Variants in RADIL observed in about 807,000 individuals in gnomAD.
RADIL encodes the protein Rap associating with DIL domain, also known as ras-associating and dilute domain-containing protein.
Under a neutral mutation model 97.6 loss-of-function variants are expected in RADIL, and 99 were observed. The observed-to-expected ratio is 1.01, with a 90% CI of 0.86 to 1.20. The LOEUF is 1.20. Ranked by LOEUF, RADIL falls within the 50% of genes most tolerant of loss-of-function variation. The probability of loss-of-function intolerance (pLI) is 0.00; values close to 1 mark genes in which losing one functional copy is unlikely to be tolerated. For synonymous variants in RADIL, 803 were observed against 691.8 expected, an observed-to-expected ratio of 1.16 and a Z score of -2.52; for missense variants, 1,765 against 1,498.9, an observed-to-expected ratio of 1.18 and a Z score of -2.93.
rs1459776054 is a variant in RADIL at position 4,822,844 on chromosome 7, G to A, written c.1455-290C>T. Among the ~76,000 whole-genome samples, 1 of 152,100 alleles carries A rather than the reference G, an allele frequency of 6.6e-6. No homozygotes were observed. Among genetic ancestry groups the A allele is most frequent in the African/African-American group, 2.4e-5 (1 of 41,416 alleles). ...AGATGGCTTGCATGTCTTCTCTTTTGGAATGAGATCATAAAGTGGCTGTGA... is the reference window on the plus strand; with the variant it reads ...AGATGGCTTGCATGTCTTCTCTTTTAGAATGAGATCATAAAGTGGCTGTGA... On this transcript the variant is annotated intron_variant, in intron 5 of 14. Transcript: ENST00000399583. The surrounding 1 kb of genome is among the most constrained non-coding windows in gnomAD (Gnocchi z 5.3).
chr7:4,861,834 G>GCACGTCCCCCACCACCGCGACCGT, intron 2 of RADIL: 2 of 1,268,420 alleles, frequency 1.6e-6, no homozygotes, highest in South Asian at 2.1e-5. Flanking sequence ...CCCCGCCAGG[G>GCACGTCCCCCACCACCGCGACCGT]CACGTCCCCC....
chr7:4,816,373 C>G lies in RADIL; in HGVS notation c.1821G>C (p.Glu607Asp), dbSNP rs751372863. The change falls in exon 8 of 15, where the codon GAG becomes GAC. Residue 607 changes from glutamate (E) to aspartate (D), a missense_variant. Physicochemically the swap from Glu to Asp is conservative, Grantham distance 45. Coordinates refer to ENST00000399583, the MANE Select transcript of RADIL (RefSeq NM_018059.5). ...ESWSSAPELP[E>D]ELRRVVSVYQ... ...ACACAGACACCACGCGGCGCAGCTC[C>G]TCGGGCAGTTCGGGGGCCGAGGACC... 1 of 1,610,768 alleles carries G rather than the reference C, an allele frequency of 6.2e-7. No homozygotes were observed. The highest frequency in any genetic ancestry group is 8.5e-7 in the Non-Finnish European group (1 of 1,179,178).
chr7:4,804,097 C>G (rs1782211087), intron 10 of RADIL: 2 of 356,868 alleles, frequency 5.6e-6, no homozygotes, highest in Admixed American at 3.7e-5. Context: ...TGGAGCTCCC[C>G]CAGCCCGGCA....
rs542977155 is a variant in RADIL at position 4,848,447 on chromosome 7, G to A, written c.536-11842C>T. On this transcript the variant is annotated intron_variant, in intron 2 of 14. Coordinates refer to ENST00000399583, the MANE Select transcript of RADIL (RefSeq NM_018059.5). ...AAGATAGCTCCAAGAAGCTGAAATT[G>A]ATAAGATATCGAATATATCTGAACA... is the stretch of plus-strand genomic sequence containing the variant. Among the ~76,000 whole-genome samples, 4 of 152,188 alleles carry A rather than the reference G, an allele frequency of 2.6e-5. No homozygotes were observed. In the South Asian group the frequency reaches 8.3e-4, roughly 32 times the overall value.
chr7:4,838,472 G>A (rs756924042), intron 2 of RADIL, among the ~76,000 whole-genome samples: 6 of 152,100 alleles, frequency 3.9e-5, no homozygotes, highest in Non-Finnish European at 7.4e-5. Flanking sequence ...CCACAAATGC[G>A]GCACGGGATG....
rs1782036304 is a variant in RADIL at position 4,800,245 on chromosome 7, C to T, written c.2908G>A (p.Asp970Asn). 5.7e-6 allele frequency: 9 copies of T among 1,588,470 alleles called. No individual in the cohort carries two copies. The highest frequency in any genetic ancestry group is 5.1e-6 in the Non-Finnish European group (6 of 1,169,674). The part of the protein sequence containing the change: ...APSSRSSSTE[D>N]FCYVFTVELE... ...TCCACCGTGAAGACGTAGCAGAAGT[C>T]CTCGGTGCTGGAGCTGCGGCTGGAC... Residue 970 changes from aspartate (D) to asparagine (N), a missense_variant, in exon 13 of 15, where the codon GAC (aspartate) becomes AAC (asparagine). Coordinates refer to ENST00000399583, the MANE Select transcript of RADIL (RefSeq NM_018059.5).
At chr7:4,804,654 G>T (rs185407733) in intron 10 of RADIL, among the ~76,000 whole-genome samples, 3 of 152,144 alleles carry the variant, frequency 2.0e-5, no homozygotes, top group Non-Finnish European at 4.4e-5. Context: ...AGGCATGGTG[G>T]CACACACCTG....
intron 12 of RADIL, 128 bp downstream of exon 12, chr7:4,801,525 T>G: frequency 9.9e-7 from 1 of 1,010,952 alleles, no homozygotes; most frequent in Non-Finnish European, 1.4e-6. Context: ...CCGTCTCAGG[T>G]TGCAGGTGTC....
At position 4,840,928 on chromosome 7, in the gene RADIL, C is replaced by T. The variant is rs1237989130; in HGVS notation, c.536-4323G>A. ...GTTGCAGTGACCTGAGATCGCACCA[C>T]TGCACTCCAGCCTGGGTGACAGAGC... On this transcript the variant is annotated intron_variant, in intron 2 of 14. Transcript: ENST00000399583. This position sits in a 1 kb window ranked among gnomAD's most constrained non-coding sequence, Gnocchi z 5.6. Among the ~76,000 whole-genome samples, 1 of 152,230 alleles carries T rather than the reference C, an allele frequency of 6.6e-6. No individual in the cohort carries two copies. Among genetic ancestry groups the T allele is most frequent in the East Asian group, 1.9e-4 (1 of 5,192 alleles).
At chr7:4,801,019 C>T (rs1021865412) in intron 12 of RADIL, among the ~76,000 whole-genome samples, 1 of 152,228 alleles carries the variant, frequency 6.6e-6, no homozygotes. Flanking sequence ...TGCGCACACA[C>T]ACTCATGCAC....
chr7:4,879,657 G>A lies in RADIL; in HGVS notation c.-64-1454C>T, dbSNP rs542855645. On this transcript the variant is annotated intron_variant, in intron 1 of 14. Coordinates refer to ENST00000399583, the MANE Select transcript of RADIL (RefSeq NM_018059.5). This position sits in a 1 kb window ranked among gnomAD's most constrained non-coding sequence, Gnocchi z 4.1. ...TTGACTCACTCGTCACGCTGCGGGC[G>A]CTGCAAAAGGCTTCTGGAAAGGACG... Among the ~76,000 whole-genome samples, 3 of 152,262 alleles carry A rather than the reference G, an allele frequency of 2.0e-5. No individual in the cohort carries two copies. Among genetic ancestry groups the A allele is most frequent in the Admixed American group, 1.3e-4 (2 of 15,294 alleles).
intron 2 of RADIL, among the ~76,000 whole-genome samples, chr7:4,875,911 G>A (rs1221578699): frequency 6.6e-6 from 1 of 152,152 alleles, no homozygotes; most frequent in Non-Finnish European, 1.5e-5. Flanking sequence ...ACCTCTGGGT[G>A]GAGGAAGGAT....
intron 2 of RADIL, chr7:4,865,506 G>A: frequency 7.7e-6 from 6 of 780,768 alleles, no homozygotes; most frequent in South Asian, 6.8e-5. Context: ...TTTGCTGTTA[G>A]CAACTATGCG....
chr7:4,877,528 C>T (rs1784399966), intron 2 of RADIL, 77 bp downstream of exon 2: 1 of 1,494,114 alleles, frequency 6.7e-7, no homozygotes, highest in Admixed American at 2.2e-5. Flanking sequence ...CCCTGCACCA[C>T]TCCTTCTCCG....
At position 4,821,865 on chromosome 7, in the gene RADIL, AAAAG is replaced by A. The variant is rs570536480; in HGVS notation, c.1615+525_1615+528del. 8.5e-4 allele frequency among the ~76,000 whole-genome samples: 130 copies of A among 152,300 alleles called. No individual in the cohort carries two copies. Among genetic ancestry groups the A allele is most frequent in the African/African-American group, 2.8e-3 (118 of 41,568 alleles). On this transcript the variant is annotated intron_variant, in intron 6 of 14. Coordinates refer to ENST00000399583, the MANE Select transcript of RADIL (RefSeq NM_018059.5). The surrounding 1 kb of genome is among the most constrained non-coding windows in gnomAD (Gnocchi z 5.2). ...AGCGAGACTCCGTCTCAAAAAAAGA[AAAAG>A]AAATCCCGAAATGTGTATTTCCCAC...
At chr7:4,845,573 C>T (rs1438340447) in intron 2 of RADIL, among the ~76,000 whole-genome samples, 1 of 152,152 alleles carries the variant, frequency 6.6e-6, no homozygotes, top group Non-Finnish European at 1.5e-5. Context: ...CGGGAGGTGA[C>T]CTGACAGGTG....
Position 4,822,356 on chromosome 7 carries a change from G to A in RADIL, c.1615+38C>T. ...GAGATGCCACACTCCCCTGCCTGGGGTGCTGGCGGGGGGAATGGAGGGCAG... is the reference window on the plus strand; with the variant it reads ...GAGATGCCACACTCCCCTGCCTGGGATGCTGGCGGGGGGAATGGAGGGCAG... On this transcript the variant is annotated intron_variant, in intron 6 of 14. Coordinates refer to ENST00000399583, the MANE Select transcript of RADIL (RefSeq NM_018059.5). This position sits in a 1 kb window ranked among gnomAD's most constrained non-coding sequence, Gnocchi z 5.3. 1 of 1,583,382 alleles carries A rather than the reference G, an allele frequency of 6.3e-7. No individual in the cohort carries two copies. Among genetic ancestry groups the A allele is most frequent in the East Asian group, 2.3e-5 (1 of 44,262 alleles).
chr7:4,815,459 GGAAGAA>G lies in RADIL; in HGVS notation c.1967-15_1967-10del, dbSNP rs1782652713. 1 of 1,496,210 alleles carries G rather than the reference GGAAGAA, an allele frequency of 6.7e-7. No homozygotes were observed. The highest frequency in any genetic ancestry group is 1.3e-5 in the South Asian group (1 of 74,670). 92.7% of individuals were successfully genotyped at this position (1,496,210 alleles called of 1,614,324 possible). A position where few individuals can be genotyped will look rare whatever the true frequency, so the allele number is the denominator to read the frequency against. On this transcript the variant is annotated splice_polypyrimidine_tract_variant and intron_variant, in intron 8 of 14. Transcript: ENST00000399583. The surrounding 1 kb of genome is among the most constrained non-coding windows in gnomAD (Gnocchi z 8.0). ...GCAGCTCAGGGAGGGGCCTGTGGAG[GGAAGAA>G]GGGAGGGTGATGCCTGGGCTGCCCT...
intron 6 of RADIL, among the ~76,000 whole-genome samples, chr7:4,820,652 C>T (rs1460623980): frequency 2.0e-5 from 3 of 152,196 alleles, no homozygotes; most frequent in Admixed American, 6.5e-5. Flanking sequence ...GAACCGTGGC[C>T]GGCAGGAAGG....
Sources: gnomAD v4.1 joint callset for allele counts (sites outside exome capture counted in the v4.1 genomes callset) on GRCh38, gnomAD v4.1.1 for gene constraint, Gnocchi (gnomAD v3.1) non-coding constraint, MANE v1.5 for transcripts, NCBI Gene and HGNC (gene_info 2026-07-23, HGNC 2026-07-21) for gene names.